Variants in ELMO1 observed in about 807,000 individuals in gnomAD.
ELMO1 encodes the protein engulfment and cell motility protein 1.
In ELMO1, 26 loss-of-function variants were observed where a neutral mutation model predicts 98.9. The ratio of observed to expected loss-of-function variants is 0.26; its 90% confidence interval spans 0.19 to 0.36. The LOEUF is 0.36. ELMO1 is among the 10% of genes least tolerant of loss of function. The pLI, the probability that ELMO1 is intolerant of heterozygous loss-of-function variation, is 1.00. For synonymous variants in ELMO1, 346 were observed against 346.0 expected, an observed-to-expected ratio of 1.00 and a Z score of 0.00; for missense variants, 627 against 935.2, an observed-to-expected ratio of 0.67 and a Z score of 4.30.
intron 15 of ELMO1, among the ~76,000 whole-genome samples, chr7:37,060,674 A>C (rs1211192470): frequency 6.6e-6 from 1 of 152,234 alleles, no homozygotes; most frequent in Non-Finnish European, 1.5e-5. Flanking sequence ...AAAAATAACA[A>C]AAAACCCAAG....
At chr7:37,092,398 A>C (rs1784154078) in intron 15 of ELMO1, among the ~76,000 whole-genome samples, 1 of 70,158 alleles carries the variant, frequency 1.4e-5, no homozygotes, top group African/African-American at 5.4e-5. Context: ...TTTTTTTTGG[A>C]GACAGAGTCT....
At chr7:37,328,547 C>G (rs1799941563) in intron 2 of ELMO1, among the ~76,000 whole-genome samples, 1 of 152,118 alleles carries the variant, frequency 6.6e-6, no homozygotes, top group Admixed American at 6.5e-5. Flanking sequence ...GAACGACAAG[C>G]CCAGGTGCTC....
intron 1 of ELMO1, among the ~76,000 whole-genome samples, chr7:37,349,066 C>T (rs1801141123): frequency 6.6e-6 from 1 of 152,150 alleles, no homozygotes; most frequent in Non-Finnish European, 1.5e-5. Flanking sequence ...TGTCCCCTCC[C>T]CTACTGCACT....
intron 16 of ELMO1, among the ~76,000 whole-genome samples, chr7:36,940,712 T>C (rs1786955799): frequency 6.6e-6 from 1 of 152,182 alleles, no homozygotes; most frequent in Non-Finnish European, 1.5e-5. Context: ...AATGACAAAT[T>C]AACAATCTTA....
chr7:37,395,367 C>CAAAAAAAA (rs59452486), intron 1 of ELMO1, among the ~76,000 whole-genome samples: 6 of 66,168 alleles, frequency 9.1e-5, no homozygotes, highest in East Asian at 4.8e-4. Context: ...AACTCCATCT[C>CAAAAAAAA]AAAAAAAAAA....
intron 16 of ELMO1, among the ~76,000 whole-genome samples, chr7:36,992,718 A>T (rs534182703): frequency 6.6e-6 from 1 of 152,296 alleles, no homozygotes; most frequent in Admixed American, 6.5e-5. Flanking sequence ...CAATTCCAAA[A>T]CACACCCATT....
intron 16 of ELMO1, among the ~76,000 whole-genome samples, chr7:36,933,200 C>T (rs984947928): frequency 4.6e-5 from 7 of 152,086 alleles, no homozygotes; most frequent in Admixed American, 6.5e-5. Context: ...AGGCTGCAGG[C>T]GAGGAATCAC....
chr7:37,138,987 C>CAAA (rs1311703774), intron 13 of ELMO1, among the ~76,000 whole-genome samples: 1 of 152,182 alleles, frequency 6.6e-6, no homozygotes, highest in Non-Finnish European at 1.5e-5. Context: ...ATGATCATCT[C>CAAA]AACAGATGCA....
chr7:37,187,623 G>T (rs1791295090), intron 13 of ELMO1, among the ~76,000 whole-genome samples: 1 of 152,150 alleles, frequency 6.6e-6, no homozygotes, highest in Non-Finnish European at 1.5e-5. Flanking sequence ...ACTATAACCA[G>T]TTTTTTATTA....
At chr7:37,079,687 T>C (rs1797763765) in intron 15 of ELMO1, among the ~76,000 whole-genome samples, 1 of 152,166 alleles carries the variant, frequency 6.6e-6, no homozygotes, top group Admixed American at 6.5e-5. Flanking sequence ...CCCCATCACC[T>C]GCAGCATATG....
chr7:37,426,918 C>G (rs949156100), intron 1 of ELMO1, among the ~76,000 whole-genome samples: 10 of 151,910 alleles, frequency 6.6e-5, no homozygotes, highest in Non-Finnish European at 1.5e-4. Flanking sequence ...TAAAAGCCAG[C>G]ATTATACCTA....
chr7:37,393,563 C>A (rs1020798262), intron 1 of ELMO1, among the ~76,000 whole-genome samples: 2 of 152,158 alleles, frequency 1.3e-5, no homozygotes, highest in Admixed American at 6.5e-5. Flanking sequence ...TTTTCCTCTG[C>A]CCTTGACCCT....
chr7:36,976,825 C>T (rs1053966224), intron 16 of ELMO1, among the ~76,000 whole-genome samples: 1 of 152,188 alleles, frequency 6.6e-6, no homozygotes, highest in Admixed American at 6.5e-5. Context: ...ATTATCCATG[C>T]CTTCCTTTCC....
At chr7:36,872,941 A>AC (rs1803650742) in intron 19 of ELMO1, among the ~76,000 whole-genome samples, 2 of 151,978 alleles carry the variant, frequency 1.3e-5, no homozygotes, top group Admixed American at 6.6e-5. Context: ...AGCTTTGAAA[A>AC]CCCATTGTAT....
intron 15 of ELMO1, among the ~76,000 whole-genome samples, chr7:37,089,968 G>A (rs928354919): frequency 6.6e-6 from 1 of 152,116 alleles, no homozygotes; most frequent in Non-Finnish European, 1.5e-5. Context: ...ACAGTCACAC[G>A]CCAAAGTGTC....
intron 16 of ELMO1, among the ~76,000 whole-genome samples, chr7:36,903,951 C>T (rs10264894): frequency 5.3e-5 from 8 of 152,214 alleles, no homozygotes; most frequent in Middle Eastern, 3.2e-3. Flanking sequence ...CCTGCTTGGG[C>T]GGGTCCCTCA....
chr7:36,933,569 G>A (rs1193154633), intron 16 of ELMO1, among the ~76,000 whole-genome samples: 1 of 152,200 alleles, frequency 6.6e-6, no homozygotes, highest in East Asian at 1.9e-4. Context: ...GGGGTGCTGG[G>A]AGGACAGAAG....
Position 37,225,754 on chromosome 7 carries a change from T to A in ELMO1, c.550-724A>T, listed in dbSNP as rs111378127. Among the ~76,000 whole-genome samples, 6 of 152,254 alleles carry A rather than the reference T, an allele frequency of 3.9e-5. 2 individuals are homozygous for A. The highest frequency in any genetic ancestry group is 1.4e-4 in the African/African-American group (6 of 41,548). On this transcript the variant is annotated intron_variant, in intron 8 of 21. Transcript: ENST00000310758. ...AATCCCCAAACATAATAAATCACAA[T>A]GTGAGCGGAAAATAAAATAGAGGTT...
At position 36,958,946 on chromosome 7, in the gene ELMO1, T is replaced by C. The variant is rs143882361; in HGVS notation, c.1437+54353A>G. 3.2e-3 allele frequency among the ~76,000 whole-genome samples: 488 copies of C among 152,130 alleles called. 2 individuals carry two copies. Among genetic ancestry groups the C allele is most frequent in the African/African-American group, 0.011 (464 of 41,508 alleles). On this transcript the variant is annotated intron_variant, in intron 16 of 21. Transcript: ENST00000310758. ...CTCAGATGCATCTATTCCACTGCTT[T>C]CTCTATATCTGCACTTGGGTGTCTA...
Sources: gnomAD v4.1 joint callset for allele counts (sites outside exome capture counted in the v4.1 genomes callset) on GRCh38, gnomAD v4.1.1 for gene constraint, MANE v1.5 for transcripts, NCBI Gene and HGNC (gene_info 2026-07-23, HGNC 2026-07-21) for gene names.